The following IL23R variants were observed in gnomAD, a reference collection of about 807,000 sequenced individuals.
The protein encoded by IL23R is interleukin 23 receptor.
IL23R carries 34 observed loss-of-function variants against 56.9 expected under a neutral mutation model. That is an observed-to-expected ratio of 0.60 (90% CI 0.45 to 0.80). IL23R has a LOEUF of 0.80. Among genes scored for constraint, IL23R ranks in the 30% least tolerant of loss-of-function variants. The probability of loss-of-function intolerance (pLI) is 0.00; values close to 1 mark genes in which losing one functional copy is unlikely to be tolerated. For missense variants in IL23R, 635 were observed against 730.0 expected (o/e 0.87, Z 1.50); for synonymous variants, 230 against 249.2 (o/e 0.92, Z 0.73).
At chr1:67,182,543 C>G (rs1480160287) in intron 3 of IL23R, among the ~76,000 whole-genome samples, 1 of 152,158 alleles carries the variant, frequency 6.6e-6, no homozygotes, top group East Asian at 1.9e-4. Flanking sequence ...TCACCCCTTT[C>G]CTTGGCTAGG....
At chr1:67,242,373 C>T (rs919757708) in intron 9 of IL23R, among the ~76,000 whole-genome samples, 3 of 152,164 alleles carry the variant, frequency 2.0e-5, no homozygotes, top group African/African-American at 7.2e-5. Context: ...ACATATACCC[C>T]ATAATACACA....
At position 67,228,100 on chromosome 1, in the gene IL23R, TTCTTTC is replaced by T. The variant is rs1160817899; in HGVS notation, c.955+8374_955+8379del. On this transcript the variant is annotated intron_variant, in intron 7 of 10. Transcript: ENST00000347310. ...TTCTTTCTTTTCTTTCTTTCTTTCT[TTCTTTC>T]TCTCTCTTTCTTTCTTTCTTTCCTT... Among the ~76,000 whole-genome samples, 6 of 57,630 alleles carry T rather than the reference TTCTTTC, an allele frequency of 1.0e-4. 1 individual carries two copies. The South Asian group carries it at 2.3e-3, about 22-fold the overall frequency. The allele number at this position is 57,630 out of a possible 152,430, so 37.8% of individuals were successfully genotyped here.
chr1:67,150,652 TAAAA>T (rs3052338), intron 1 of IL23R, among the ~76,000 whole-genome samples: 9 of 95,894 alleles, frequency 9.4e-5, no homozygotes, highest in East Asian at 5.8e-4. Flanking sequence ...GAACTTAAAG[TAAAA>T]AAAAAAAAAA....
intron 1 of IL23R, among the ~76,000 whole-genome samples, chr1:67,160,304 C>T (rs572000468): frequency 5.3e-5 from 8 of 152,154 alleles, no homozygotes; most frequent in African/African-American, 1.7e-4. Context: ...TTGTATACAC[C>T]AGCAAAAAAC....
At chr1:67,254,854 T>A (rs922902039) in intron 9 of IL23R, among the ~76,000 whole-genome samples, 1 of 152,210 alleles carries the variant, frequency 6.6e-6, no homozygotes, top group African/African-American at 2.4e-5. Flanking sequence ...TGCTAATAGA[T>A]AGCTTGGGGG....
Position 67,259,235 on chromosome 1 carries a change from C to A in IL23R, c.*107C>A. On this transcript the variant is annotated 3_prime_UTR_variant, in exon 11 of 11. Coordinates refer to ENST00000347310, the MANE Select transcript of IL23R (RefSeq NM_144701.3). ...CCTCTTTTTGAAAAAAATGTATTCA[C>A]ATACAAATCTTCACATGGACACATG... The A allele has an allele frequency of 9.2e-7, 1 of 1,082,208 alleles. No homozygotes were observed. The highest frequency in any genetic ancestry group is 1.4e-6 in the Non-Finnish European group (1 of 717,244). 67.0% of individuals were successfully genotyped at this position (1,082,208 alleles called of 1,614,324 possible). A position where few individuals can be genotyped will look rare whatever the true frequency, so the allele number is the denominator to read the frequency against.
At chr1:67,232,516 T>C (rs1249897133) in intron 7 of IL23R, among the ~76,000 whole-genome samples, 2 of 152,184 alleles carry the variant, frequency 1.3e-5, no homozygotes, top group African/African-American at 4.8e-5. Flanking sequence ...CAGAACTGGA[T>C]GGGAATTTCC....
rs141913877 is a variant in IL23R at position 67,150,475 on chromosome 1, T to C, written c.-634+11314T>C. 2.8e-3 allele frequency among the ~76,000 whole-genome samples: 433 copies of C among 152,012 alleles called. 2 individuals carry two copies. The highest frequency in any genetic ancestry group is 0.01 in the African/African-American group (417 of 41,464). On this transcript the variant is annotated intron_variant, in intron 1 of 10. Coordinates refer to the IL23R transcript ENST00000637002. ...TGTGTTGTTCCCCTCCCTGTGTCCA[T>C]GTGTTCTCATCGCTCAACTCCCACT... is the stretch of plus-strand genomic sequence containing the variant.
intron 5 of IL23R, among the ~76,000 whole-genome samples, chr1:67,201,511 G>C (rs759804751): frequency 1.3e-5 from 2 of 150,916 alleles, no homozygotes; most frequent in Non-Finnish European, 2.9e-5. Context: ...AGATAGACAA[G>C]GTGCCTGCCC....
At chr1:67,244,635 T>C (rs914688531) in intron 9 of IL23R, among the ~76,000 whole-genome samples, 2 of 152,130 alleles carry the variant, frequency 1.3e-5, no homozygotes, top group Non-Finnish European at 2.9e-5. Flanking sequence ...TGTGTGGTGT[T>C]ATTTCTGAGG....
At chr1:67,211,189 T>C (rs1292469002) in intron 6 of IL23R, among the ~76,000 whole-genome samples, 1 of 152,240 alleles carries the variant, frequency 6.6e-6, no homozygotes, top group Non-Finnish European at 1.5e-5. Context: ...CTTTTGCATA[T>C]GCAGAATTTA....
At chr1:67,255,813 T>G (rs745798680) in intron 9 of IL23R, 24 bp from the exon 10 acceptor site, 1 of 1,151,612 alleles carries the variant, frequency 8.7e-7, no homozygotes, top group East Asian at 2.3e-5. Context: ...CTGCTTCTTC[T>G]AACGTGTCAT....
At chr1:67,169,269 C>T (rs1407332618) in intron 2 of IL23R, 73 bp from the exon 3 acceptor site, 6 of 1,137,132 alleles carry the variant, frequency 5.3e-6, no homozygotes, top group Non-Finnish European at 7.8e-6. Context: ...ATTTAAAATG[C>T]AATAGCATAT....
intron 5 of IL23R, among the ~76,000 whole-genome samples, chr1:67,205,873 ATCTTTCTTTCTTTCTTTCTTTCTT>A (rs200498214): frequency 2.3e-4 from 32 of 139,206 alleles, no homozygotes; most frequent in Admixed American, 3.7e-4. Flanking sequence ...TTGAACATCC[ATCTTTCTTTCTTTCTTTCTTTCTT>A]TCTTTCTTTC....
chr1:67,140,767 A>G (rs1366705027), intron 1 of IL23R, among the ~76,000 whole-genome samples: 1 of 152,192 alleles, frequency 6.6e-6, no homozygotes, highest in African/African-American at 2.4e-5. Context: ...TTAAAAGTTG[A>G]TAATAACATC....
chr1:67,148,506 C>T (rs556452183), intron 1 of IL23R, among the ~76,000 whole-genome samples: 8 of 152,214 alleles, frequency 5.3e-5, no homozygotes, highest in Non-Finnish European at 1.0e-4. Flanking sequence ...TCTTTACTAC[C>T]TGATGGGTCA....
chr1:67,225,240 G>A (rs1164667963), intron 7 of IL23R, among the ~76,000 whole-genome samples: 2 of 152,210 alleles, frequency 1.3e-5, no homozygotes, highest in East Asian at 1.9e-4. Flanking sequence ...AGATACTACT[G>A]ACTACTGCTA....
At chr1:67,183,395 C>T (rs1456665860) in intron 4 of IL23R, among the ~76,000 whole-genome samples, 3 of 152,160 alleles carry the variant, frequency 2.0e-5, no homozygotes, top group Non-Finnish European at 4.4e-5. Context: ...ATTAGCCAGG[C>T]ATTGTGGCAG....
chr1:67,211,591 C>A (rs1649476371), intron 6 of IL23R, among the ~76,000 whole-genome samples: 1 of 151,686 alleles, frequency 6.6e-6, no homozygotes. Flanking sequence ...CCACTGCACT[C>A]CAGCCTGGGT....
Sources: allele counts gnomAD v4.1 joint callset (sites outside exome capture counted in the v4.1 genomes callset), GRCh38; gene constraint gnomAD v4.1.1; transcripts MANE v1.5; gene names NCBI Gene and HGNC (gene_info 2026-07-23, HGNC 2026-07-21).